Variants in SPARCL1 observed in about 807,000 individuals in gnomAD.
The protein encoded by SPARCL1 is SPARC-like protein 1.
A neutral mutation model predicts 67.1 loss-of-function variants in SPARCL1; 52 were observed. That is an observed-to-expected ratio of 0.78 (90% CI 0.62 to 0.98). SPARCL1 has a LOEUF of 0.98. Among genes scored for constraint, SPARCL1 ranks in the 50% least tolerant of loss-of-function variants. The probability of loss-of-function intolerance (pLI) is 0.00; values close to 1 mark genes in which losing one functional copy is unlikely to be tolerated. For synonymous variants in SPARCL1, 226 were observed against 267.8 expected (o/e 0.84, Z 1.52); for missense variants, 717 against 782.4 (o/e 0.92, Z 1.00).
intron 9 of SPARCL1, 149 bp downstream of exon 9, chr4:87,480,223 T>C: frequency 1.9e-6 from 1 of 513,040 alleles, no homozygotes. Flanking sequence ...ACACAGCAGC[T>C]TTGTGTTTAG....
Position 87,510,702 on chromosome 4 carries a change from G to A in SPARCL1, c.-11-11117C>T, listed in dbSNP as rs373837953. 4.6e-5 allele frequency among the ~76,000 whole-genome samples: 7 copies of A among 152,278 alleles called. No homozygotes were observed. In the East Asian group the frequency reaches 1.4e-3, roughly 29 times the overall value. On this transcript the variant is annotated intron_variant, in intron 1 of 10. Transcript: ENST00000282470. ...CATCTGTGTGACCTCATTCCTCTTG[G>A]GCACTGGACAAGAACTCGGACACAC... is the stretch of plus-strand genomic sequence containing the variant.
At chr4:87,479,910 GC>G (rs1450952252) in intron 9 of SPARCL1, among the ~76,000 whole-genome samples, 1 of 152,108 alleles carries the variant, frequency 6.6e-6, no homozygotes, top group Non-Finnish European at 1.5e-5. Flanking sequence ...CCCACATTGG[GC>G]CAATCTTGGG....
intron 9 of SPARCL1, 133 bp from the exon 10 acceptor site, chr4:87,479,711 T>G: frequency 1.3e-6 from 1 of 777,294 alleles, no homozygotes; most frequent in South Asian, 1.9e-5. Flanking sequence ...AGATAAAAAC[T>G]GCCAACGAAA....
At position 87,528,663 on chromosome 4, in the gene SPARCL1, T is replaced by A. The variant is rs1726153347; in HGVS notation, c.-12+382A>T. 3 of 152,160 alleles carry A rather than the reference T, an allele frequency of 2.0e-5. No individual in the cohort carries two copies. In the South Asian group the frequency reaches 6.2e-4, roughly 32 times the overall value. 9.4% of individuals were successfully genotyped at this position (152,160 alleles called of 1,614,324 possible). On this transcript the variant is annotated intron_variant, in intron 1 of 10. Transcript: ENST00000282470. ...AACATACAAATTATTTGATTTGAAA[T>A]TTTTTTTAAAAACTACCTTCTTTAT...
intron 7 of SPARCL1, among the ~76,000 whole-genome samples, chr4:87,488,580 C>A (rs1255647385): frequency 2.0e-5 from 3 of 152,190 alleles, no homozygotes; most frequent in Non-Finnish European, 2.9e-5. Flanking sequence ...GTCAGGGACC[C>A]ACTTGAGGAG....
At chr4:87,474,744 T>TCTC (rs1553967443) in intron 10 of SPARCL1, among the ~76,000 whole-genome samples, 4 of 84,454 alleles carry the variant, frequency 4.7e-5, no homozygotes, top group South Asian at 6.7e-4. Flanking sequence ...TCTCTCTCTC[T>TCTC]TTTTTTTTTT....
intron 5 of SPARCL1, among the ~76,000 whole-genome samples, chr4:87,491,188 G>GA (rs1724311803): frequency 6.6e-6 from 1 of 152,178 alleles, no homozygotes; most frequent in Non-Finnish European, 1.5e-5. Flanking sequence ...GTCATAGTCT[G>GA]AAGTCCTTAG....
rs1724293312 is a variant in SPARCL1, at chr4:87,490,805, G to C, written c.1365C>G (p.Val455=). The C allele has an allele frequency of 1.2e-6, 2 of 1,612,844 alleles. No homozygotes were observed. Among genetic ancestry groups the C allele is most frequent in the Non-Finnish European group, 1.7e-6 (2 of 1,179,362 alleles). The change falls in exon 6 of 11, where the codon GTC becomes GTG. Residue 455 remains valine, a synonymous_variant. Transcript: ENST00000282470. Reference sequence around the variant, plus strand: ...GAGGACAAGTCACTGGATCCTGGCAGACACAGTGAGGTTTTCCCTGTTGGT... The same window carrying C: ...GAGGACAAGTCACTGGATCCTGGCACACACAGTGAGGTTTTCCCTGTTGGT... ...KADQQGKPHC[V]CQDPVTCPPT...
intron 8 of SPARCL1, among the ~76,000 whole-genome samples, chr4:87,480,820 CTTTT>C (rs1553967987): frequency 7.5e-6 from 1 of 133,380 alleles, no homozygotes; most frequent in Non-Finnish European, 1.7e-5. Flanking sequence ...ATGTTCGCTG[CTTTT>C]TTTTTTTTTT....
chr4:87,521,263 C>A (rs1267124330), intron 1 of SPARCL1, among the ~76,000 whole-genome samples: 1 of 152,116 alleles, frequency 6.6e-6, no homozygotes, highest in African/African-American at 2.4e-5. Context: ...ATCAACTTAG[C>A]ACACCTGCTC....
chr4:87,517,124 A>G (rs1725613516), intron 1 of SPARCL1, among the ~76,000 whole-genome samples: 1 of 152,146 alleles, frequency 6.6e-6, no homozygotes, highest in African/African-American at 2.4e-5. Flanking sequence ...TCTCAGAGAA[A>G]GAGAACACAG....
At position 87,473,607 on chromosome 4, in the gene SPARCL1, G is replaced by T; in HGVS notation, c.*168C>A. ...GTACATTTTTGTTTCCAAAGTTAAT[G>T]TTAAATACCTGGTGCATAGGTTGTT... On this transcript the variant is annotated 3_prime_UTR_variant, in exon 11 of 11. Coordinates refer to ENST00000282470, the MANE Select transcript of SPARCL1 (RefSeq NM_004684.6). 2.7e-6 allele frequency: 1 copy of T among 373,826 alleles called. No homozygotes were observed. 23.2% of individuals were successfully genotyped at this position (373,826 alleles called of 1,614,324 possible).
At chr4:87,522,740 T>C (rs17012785) in intron 1 of SPARCL1, among the ~76,000 whole-genome samples, 59,104 of 151,406 alleles carry the variant, frequency 0.39, 13,268 homozygotes, top group East Asian at 0.6. Flanking sequence ...CCATTATTGA[T>C]CCTGAGTGGA....
chr4:87,491,896 G>A (rs1316264008), intron 4 of SPARCL1, among the ~76,000 whole-genome samples: 1 of 150,210 alleles, frequency 6.7e-6, no homozygotes, highest in African/African-American at 2.4e-5. Flanking sequence ...CTTGAGCCCA[G>A]GAGTTTAAGA....
At chr4:87,487,085 C>T (rs564195855) in intron 7 of SPARCL1, among the ~76,000 whole-genome samples, 1 of 151,048 alleles carries the variant, frequency 6.6e-6, no homozygotes, top group Non-Finnish European at 1.5e-5. Flanking sequence ...GCATTTAGCC[C>T]GTTTACATTT....
intron 1 of SPARCL1, among the ~76,000 whole-genome samples, chr4:87,508,216 C>T (rs1313125141): frequency 6.7e-6 from 1 of 149,760 alleles, no homozygotes; most frequent in African/African-American, 2.5e-5. Context: ...TTTTTGGCCT[C>T]TTTTTTTTTT....
At chr4:87,499,065 G>A (rs976420203) in intron 2 of SPARCL1, among the ~76,000 whole-genome samples, 2 of 151,936 alleles carry the variant, frequency 1.3e-5, no homozygotes, top group African/African-American at 2.4e-5. Context: ...TAGTAGAGAC[G>A]GGGTTTTGCC....
intron 8 of SPARCL1, among the ~76,000 whole-genome samples, chr4:87,481,753 T>G (rs565929788): frequency 6.6e-6 from 1 of 152,256 alleles, no homozygotes; most frequent in African/African-American, 2.4e-5. Flanking sequence ...CATTTTACTA[T>G]ATATAATTGC....
intron 2 of SPARCL1, 44 bp from the exon 3 acceptor site, chr4:87,495,171 C>T (rs1215784816): frequency 1.9e-6 from 3 of 1,551,162 alleles, no homozygotes; most frequent in Non-Finnish European, 2.6e-6. Flanking sequence ...TGTCTGGATG[C>T]TAATTTACAA....
Sources: allele counts gnomAD v4.1 joint callset (sites outside exome capture counted in the v4.1 genomes callset), GRCh38; gene constraint gnomAD v4.1.1; transcripts MANE v1.5; gene names NCBI Gene and HGNC (gene_info 2026-07-23, HGNC 2026-07-21).